Variants in MYOM3 observed in about 807,000 individuals in gnomAD.
MYOM3 encodes the protein myomesin 3.
Under a neutral mutation model 191.7 loss-of-function variants are expected in MYOM3, and 155 were observed. The ratio of observed to expected loss-of-function variants is 0.81; its 90% CI spans 0.71 to 0.92. The LOEUF is 0.92. Ranked by LOEUF, MYOM3 falls within the 40% of genes least tolerant of loss-of-function variation. The pLI is 0.00. For synonymous variants in MYOM3, 757 were observed against 762.9 expected (o/e 0.99, Z 0.13); for missense variants, 1,889 against 1,890.6 (o/e 1.00, Z 0.02).
At position 24,094,957 on chromosome 1, in the gene MYOM3, G is replaced by A. The variant is rs760566144; in HGVS notation, c.824C>T (p.Ser275Leu). The A allele has an allele frequency of 2.5e-5, 41 of 1,613,850 alleles. No individual in the cohort carries two copies. The highest frequency in any genetic ancestry group is 3.0e-5 in the Non-Finnish European group (35 of 1,179,916). The change falls in exon 9 of 37, where the codon TCG becomes TTG. Residue 275 changes from serine (S) to leucine (L), a missense_variant. Physicochemically the swap from Ser to Leu is moderately radical, Grantham distance 145 (BLOSUM62 -2). Coordinates refer to ENST00000374434, the MANE Select transcript of MYOM3 (RefSeq NM_152372.4). ...ACGAGCAAAGACTGGCTTCAGCACC[G>A]AGGTGAATTCCACGCTGGGGCCAAA... Reference protein sequence around the residue: ...STFGPSVEFTSVLKPVFAREK... With the variant: ...STFGPSVEFTLVLKPVFAREK...
chr1:24,067,857 G>C, intron 27 of MYOM3, 113 bp downstream of exon 27: 1 of 995,168 alleles, frequency 1.0e-6, no homozygotes, highest in Non-Finnish European at 1.6e-6. Context: ...CTGAATGACA[G>C]TGGACCTCCC....
rs190544582 is a variant in MYOM3, at chr1:24,075,443, C to T, written c.2734G>A (p.Glu912Lys). 1.9e-4 allele frequency: 306 copies of T among 1,598,988 alleles called. 1 individual carries two copies. The highest frequency in any genetic ancestry group is 2.2e-4 in the Non-Finnish European group (262 of 1,174,520). ...AHEIEVGVDE[E>K]GFIYLAFEAP... is the part of the protein sequence containing the mutation. The stretch of plus-strand genomic sequence containing the variant: ...TCAAAAGCCAAATAGATAAAGCCCT[C>T]TTCATCCACACCAACCTCGATCTCA... The change falls in exon 22 of 37, where the codon GAG becomes AAG. Residue 912 changes from glutamate to lysine, a missense_variant. Glu to Lys is a moderately conservative substitution (Grantham distance 56). Transcript: ENST00000374434.
chr1:24,093,061 G>A lies in MYOM3; in HGVS notation c.976C>T (p.Arg326Cys), dbSNP rs563483726. 21 of 1,612,860 alleles carry A rather than the reference G, an allele frequency of 1.3e-5. No individual in the cohort carries two copies. The African/African-American group carries it at 1.6e-4, about 12-fold the overall frequency. ...SRRRKILYTD[R>C]QASLKVSCTY... ...CAGGACACCTTCAGGGATGCCTGGC[G>A]GTCTGTGTAGAGGATCTTCCGACGT... Residue 326 changes from arginine to cysteine, a missense_variant, in exon 10 of 37, where the codon CGC (arginine) becomes TGC (cysteine). By Grantham distance (180) the Arg-to-Cys change is radical. Transcript: ENST00000374434.
rs1287654275 is a variant in MYOM3, at chr1:24,111,242, G to A, written c.-19+789C>T. 6.6e-6 allele frequency among the ~76,000 whole-genome samples: 1 copy of A among 152,208 alleles called. No homozygotes were observed. Among genetic ancestry groups the A allele is most frequent in the Non-Finnish European group, 1.5e-5 (1 of 68,036 alleles). On this transcript the variant is annotated intron_variant, in intron 1 of 36. Coordinates refer to ENST00000374434, the MANE Select transcript of MYOM3 (RefSeq NM_152372.4). The surrounding 1 kb of genome is among the most constrained non-coding windows in gnomAD (Gnocchi z 4.7). The stretch of plus-strand genomic sequence containing the variant: ...TGGGGTGCAAAAATCTGGGCCAGAG[G>A]TCCCACTGCGTGGCCTTCCCTATTC...
chr1:24,099,695 G>A lies in MYOM3; in HGVS notation c.641C>T (p.Ser214Phe). Residue 214 changes from serine to phenylalanine, a missense_variant, in exon 6 of 37, where the codon TCC becomes TTC. Physicochemically the swap from Ser to Phe is radical, Grantham distance 155. Transcript: ENST00000374434. ...YRITNNYGLL[S>F]LEIRRCAIED... ...CCAGTCTCACCTCCTAATCTCCAGGGACAGCAGCCCGTAGTTGTTGGTGAT... is the reference window on the plus strand; with the variant it reads ...CCAGTCTCACCTCCTAATCTCCAGGAACAGCAGCCCGTAGTTGTTGGTGAT... 6.2e-7 allele frequency: 1 copy of A among 1,613,792 alleles called. No individual in the cohort carries two copies.
intron 1 of MYOM3, among the ~76,000 whole-genome samples, chr1:24,109,212 G>A (rs899659942): frequency 6.6e-6 from 1 of 152,190 alleles, no homozygotes; most frequent in South Asian, 2.1e-4. Flanking sequence ...CTGAGGGCAT[G>A]CTAATTAGCA....
chr1:24,081,298 G>A, intron 19 of MYOM3, 32 bp downstream of exon 19: 2 of 1,611,296 alleles, frequency 1.2e-6, no homozygotes, highest in Non-Finnish European at 1.7e-6. Flanking sequence ...GGGAAGGGCA[G>A]GCACTGGACT....
intron 13 of MYOM3, 104 bp from the exon 14 acceptor site, chr1:24,089,769 C>T: frequency 7.4e-7 from 1 of 1,347,500 alleles, no homozygotes; most frequent in Middle Eastern, 1.9e-4. Flanking sequence ...TACCCATCCC[C>T]CAGAGAGGGG....
intron 18 of MYOM3, 80 bp from the exon 19 acceptor site, chr1:24,081,536 C>G: frequency 1.3e-6 from 2 of 1,526,218 alleles, no homozygotes; most frequent in Non-Finnish European, 1.8e-6. Context: ...GGGAGGGACT[C>G]AGAGCAGGTG....
rs769143926 is a variant in MYOM3 at position 24,094,896 on chromosome 1, C to G, written c.885G>C (p.Ser295=). The G allele has an allele frequency of 4.3e-6, 7 of 1,614,046 alleles. No homozygotes were observed. In the South Asian group the frequency reaches 7.7e-5, roughly 18 times the overall value. Residue 295 remains serine (S), a synonymous_variant, in exon 9 of 37, where the codon TCG becomes TCC. Coordinates refer to ENST00000374434, the MANE Select transcript of MYOM3 (RefSeq NM_152372.4). ...KEPFSLSCLF[S]EDVLDAESIQ... ...TGCTCTCAGCATCTAACACATCTTC[C>G]GAAAACAAGCATGACAGGGAGAAGG... is the stretch of plus-strand genomic sequence containing the variant.
At chr1:24,090,697 G>T in intron 12 of MYOM3, 100 bp downstream of exon 12, 1 of 1,213,980 alleles carries the variant, frequency 8.2e-7, no homozygotes, top group Non-Finnish European at 1.2e-6. Context: ...TCCTCCACCA[G>T]ACTCGGGGCT....
rs371553713 is a variant in MYOM3 at position 24,062,083 on chromosome 1, C to T, written c.3797G>A (p.Arg1266Gln). 195 of 1,613,974 alleles carry T rather than the reference C, an allele frequency of 1.2e-4. No homozygotes were observed. Among genetic ancestry groups the T allele is most frequent in the African/African-American group, 1.6e-4 (12 of 74,908 alleles). Residue 1266 changes from arginine (R) to glutamine (Q), a missense_variant, in exon 33 of 37, where the codon CGG becomes CAG. Arg to Gln is a conservative substitution (Grantham distance 43, BLOSUM62 1). Coordinates refer to ENST00000374434, the MANE Select transcript of MYOM3 (RefSeq NM_152372.4). ...HKDKRLESGD[R>Q]IRTGTTLDEI... ...ATCCAGGGTGGTGCCCGTCCTTATC[C>T]GATCACCACTCTCCAGACGTTTGTC...
chr1:24,108,374 C>G (rs1003671245), intron 2 of MYOM3, 102 bp downstream of exon 2: 2 of 1,252,398 alleles, frequency 1.6e-6, no homozygotes, highest in Non-Finnish European at 2.1e-6. Context: ...GTCCCTCCCC[C>G]CATCAGGTTG....
At chr1:24,104,585 CTT>C (rs1643967025) in intron 5 of MYOM3, among the ~76,000 whole-genome samples, 2 of 152,192 alleles carry the variant, frequency 1.3e-5, no homozygotes. Flanking sequence ...AAGCGATTCT[CTT>C]GTCTCAGCCT....
At chr1:24,095,071 G>T in intron 8 of MYOM3, 81 bp from the exon 9 acceptor site, 1 of 1,455,874 alleles carries the variant, frequency 6.9e-7, no homozygotes, top group African/African-American at 1.4e-5. Flanking sequence ...GAAATTTCTG[G>T]GGCATCCCTT....
In MYOM3 at chr1:24,108,083, G is replaced by A. The variant is rs145158143; in HGVS notation, c.162-10C>T. 1 of 1,612,940 alleles carries A rather than the reference G, an allele frequency of 6.2e-7. No individual in the cohort carries two copies. Among genetic ancestry groups the A allele is most frequent in the East Asian group, 2.2e-5 (1 of 44,822 alleles). Reference sequence around the variant, plus strand: ...CTCATGCTCTTCTTCGCTGCTCCCAGAAGGAGGGGAGTAAATGGCTCTTGC... The same window carrying A: ...CTCATGCTCTTCTTCGCTGCTCCCAAAAGGAGGGGAGTAAATGGCTCTTGC... On this transcript the variant is annotated splice_polypyrimidine_tract_variant and intron_variant, in intron 2 of 36. Transcript: ENST00000374434.
intron 6 of MYOM3, 78 bp downstream of exon 6, chr1:24,099,602 G>A: frequency 1.7e-6 from 2 of 1,146,580 alleles, no homozygotes; most frequent in East Asian, 2.4e-5. Context: ...CAGCTCCGAG[G>A]AAGGGTTTGG....
chr1:24,071,094 A>G, intron 25 of MYOM3, 23 bp downstream of exon 25: 1 of 1,611,368 alleles, frequency 6.2e-7, no homozygotes, highest in Non-Finnish European at 8.5e-7. Context: ...GCCTCACTTC[A>G]GGGATTGTGA....
chr1:24,083,861 C>T (rs1643703722), intron 16 of MYOM3: 1 of 152,742 alleles, frequency 6.5e-6, no homozygotes, highest in East Asian at 1.9e-4. Context: ...AGTTATGTAA[C>T]CTCTCCATGC....
Sources: gnomAD v4.1 joint callset for allele counts (sites outside exome capture counted in the v4.1 genomes callset) on GRCh38, gnomAD v4.1.1 for gene constraint, Gnocchi (gnomAD v3.1) non-coding constraint, MANE v1.5 for transcripts, NCBI Gene and HGNC (gene_info 2026-07-23, HGNC 2026-07-21) for gene names.